ARHGAP15: variants seen among roughly 807,000 people sequenced by gnomAD.
ARHGAP15 encodes the protein Rho GTPase activating protein 15.
A neutral mutation model predicts 63.7 loss-of-function variants in ARHGAP15; 51 were observed. The ratio of observed to expected loss-of-function variants is 0.80; its 90% confidence interval spans 0.64 to 1.01. ARHGAP15 has a LOEUF of 1.01. Among genes scored for constraint, ARHGAP15 ranks in the 50% least tolerant of loss-of-function variants. The pLI, the probability that ARHGAP15 is intolerant of heterozygous loss-of-function variation, is 0.00. For missense variants in ARHGAP15, 560 were observed against 564.6 expected (o/e 0.99, Z 0.08); for synonymous variants, 191 against 193.8 (o/e 0.99, Z 0.12).
chr2:143,169,231 G>A (rs1036774129), intron 2 of ARHGAP15, among the ~76,000 whole-genome samples: 3 of 152,012 alleles, frequency 2.0e-5, no homozygotes, highest in African/African-American at 7.2e-5. Context: ...TCTGGGGCTG[G>A]TTCCCCAAGA....
chr2:143,384,835 A>ATACCT (rs1687207558), intron 6 of ARHGAP15, among the ~76,000 whole-genome samples: 1 of 152,086 alleles, frequency 6.6e-6, no homozygotes, highest in Non-Finnish European at 1.5e-5. Context: ...CTGTCCGGGG[A>ATACCT]TACCTTACCT....
At chr2:143,369,124 A>G (rs993033723) in intron 6 of ARHGAP15, among the ~76,000 whole-genome samples, 1 of 152,192 alleles carries the variant, frequency 6.6e-6, no homozygotes, top group Non-Finnish European at 1.5e-5. Context: ...AAATTCTAAA[A>G]ATGGCAGAAT....
intron 12 of ARHGAP15, among the ~76,000 whole-genome samples, chr2:143,629,398 G>A (rs1472044790): frequency 6.6e-6 from 1 of 152,134 alleles, no homozygotes; most frequent in Non-Finnish European, 1.5e-5. Context: ...CCCACTGACT[G>A]CAAAGATTTA....
chr2:143,663,968 CT>C (rs1681995736), intron 12 of ARHGAP15, among the ~76,000 whole-genome samples: 1 of 151,870 alleles, frequency 6.6e-6, no homozygotes, highest in Non-Finnish European at 1.5e-5. Context: ...TAATGGGAGA[CT>C]TTAACACCCC....
At chr2:143,654,613 T>C (rs577128407) in intron 12 of ARHGAP15, among the ~76,000 whole-genome samples, 1 of 152,330 alleles carries the variant, frequency 6.6e-6, no homozygotes, top group East Asian at 1.9e-4. Flanking sequence ...TGAGAATAGA[T>C]ACAAGCATCC....
At chr2:143,385,750 T>TTTGTTTC (rs1398865919) in intron 6 of ARHGAP15, among the ~76,000 whole-genome samples, 1 of 152,192 alleles carries the variant, frequency 6.6e-6, no homozygotes, top group East Asian at 1.9e-4. Flanking sequence ...CGTTTGTTTG[T>TTTGTTTC]ATTAGATGAA....
chr2:143,605,018 C>T (rs1697931552), intron 11 of ARHGAP15, among the ~76,000 whole-genome samples: 1 of 152,152 alleles, frequency 6.6e-6, no homozygotes, highest in Non-Finnish European at 1.5e-5. Context: ...AAGTGATTCT[C>T]ATGCCTCAGC....
At chr2:143,581,435 A>C (rs565379339) in intron 11 of ARHGAP15, among the ~76,000 whole-genome samples, 1 of 152,100 alleles carries the variant, frequency 6.6e-6, no homozygotes, top group African/African-American at 2.4e-5. Flanking sequence ...TTCATCCTTC[A>C]AAATCAAGCT....
At chr2:143,337,180 C>G (rs1195480623) in intron 6 of ARHGAP15, among the ~76,000 whole-genome samples, 2 of 151,998 alleles carry the variant, frequency 1.3e-5, no homozygotes, top group Non-Finnish European at 2.9e-5. Flanking sequence ...AGAGAGTGTG[C>G]AAAAGTGCTG....
intron 13 of ARHGAP15, among the ~76,000 whole-genome samples, chr2:143,737,698 T>C (rs1324250527): frequency 2.0e-5 from 3 of 152,068 alleles, no homozygotes; most frequent in Non-Finnish European, 4.4e-5. Context: ...CTAATGGTAA[T>C]CTCATGAAAA....
intron 8 of ARHGAP15, among the ~76,000 whole-genome samples, chr2:143,482,052 G>A (rs1285300669): frequency 6.6e-6 from 1 of 152,114 alleles, no homozygotes; most frequent in African/African-American, 2.4e-5. Context: ...AAAAGCAGAG[G>A]AAAACATAAA....
At chr2:143,573,412 A>T (rs541594368) in intron 11 of ARHGAP15, among the ~76,000 whole-genome samples, 3 of 152,252 alleles carry the variant, frequency 2.0e-5, no homozygotes, top group African/African-American at 7.2e-5. Flanking sequence ...CATGTAAACT[A>T]CAAATATGTT....
intron 3 of ARHGAP15, among the ~76,000 whole-genome samples, chr2:143,207,204 A>C (rs1313137765): frequency 6.6e-6 from 1 of 151,926 alleles, no homozygotes; most frequent in African/African-American, 2.4e-5. Context: ...ACTTGCATAT[A>C]GTAGGGTTTC....
chr2:143,448,895 GA>G (rs1690269019), intron 8 of ARHGAP15, among the ~76,000 whole-genome samples: 1 of 151,954 alleles, frequency 6.6e-6, no homozygotes, highest in African/African-American at 2.4e-5. Flanking sequence ...CTTCTTTAAA[GA>G]GGTTTTTGAA....
intron 6 of ARHGAP15, among the ~76,000 whole-genome samples, chr2:143,406,543 A>G (rs1395403373): frequency 1.3e-5 from 2 of 151,896 alleles, no homozygotes; most frequent in Non-Finnish European, 2.9e-5. Context: ...TACTTTGTCA[A>G]TCTGTCAATT....
At chr2:143,464,556 A>G (rs1691112742) in intron 8 of ARHGAP15, among the ~76,000 whole-genome samples, 1 of 152,222 alleles carries the variant, frequency 6.6e-6, no homozygotes, top group Non-Finnish European at 1.5e-5. Context: ...TAGTCTTGCC[A>G]GACAAGTTAT....
intron 5 of ARHGAP15, among the ~76,000 whole-genome samples, chr2:143,247,630 T>C (rs1013600407): frequency 2.0e-5 from 3 of 152,194 alleles, no homozygotes; most frequent in Non-Finnish European, 4.4e-5. Flanking sequence ...TAGGTAATTA[T>C]ACAGAAATCT....
chr2:143,189,148 C>A (rs910499849), intron 2 of ARHGAP15, among the ~76,000 whole-genome samples: 5 of 152,158 alleles, frequency 3.3e-5, no homozygotes, highest in African/African-American at 1.2e-4. Flanking sequence ...TGAAAGCATT[C>A]TTCTAGCCTC....
intron 6 of ARHGAP15, among the ~76,000 whole-genome samples, chr2:143,371,347 C>A (rs1216104740): frequency 2.0e-5 from 3 of 152,142 alleles, no homozygotes; most frequent in Non-Finnish European, 4.4e-5. Context: ...AGGACATCTT[C>A]TCTAACAATG....
Sources: gnomAD v4.1 joint callset for allele counts (sites outside exome capture counted in the v4.1 genomes callset) on GRCh38, gnomAD v4.1.1 for gene constraint, MANE v1.5 for transcripts, NCBI Gene and HGNC (gene_info 2026-07-23, HGNC 2026-07-21) for gene names.